Variants in NRP2 observed in about 807,000 individuals in gnomAD.
NRP2 encodes neuropilin 2, also known as neuropilin-2.
Under a neutral mutation model 110.4 loss-of-function variants are expected in NRP2, and 52 were observed. The observed-to-expected ratio is 0.47, with a 90% CI of 0.38 to 0.59. The LOEUF (loss-of-function observed/expected upper bound fraction) is 0.59, where lower values mean the gene tolerates loss of function less well. Among genes scored for constraint, NRP2 ranks in the 20% least tolerant of loss-of-function variants. The pLI is 0.00. For synonymous variants in NRP2, 508 were observed against 468.9 expected (o/e 1.08, Z -1.08); for missense variants, 1,049 against 1,203.0 (o/e 0.87, Z 1.89).
intron 15 of NRP2, among the ~76,000 whole-genome samples, chr2:205,780,055 C>T (rs146684692): frequency 3.7e-4 from 56 of 152,254 alleles, no homozygotes; most frequent in Non-Finnish European, 6.8e-4. Context: ...CAAAGGGCTC[C>T]GGGAGAGTGG....
chr2:205,705,730 A>C lies in NRP2; in HGVS notation c.251+8009A>C, dbSNP rs569649362. Among the ~76,000 whole-genome samples, 5 of 152,170 alleles carry C rather than the reference A, an allele frequency of 3.3e-5. No homozygotes were observed. The South Asian group carries it at 1.0e-3, about 32-fold the overall frequency. ...GATGTAGATACTGAGGCCCTGAGAG[A>C]TCACACAGATAGTAATCGTGGGGCT... On this transcript the variant is annotated intron_variant, in intron 2 of 16. Coordinates refer to ENST00000357785, the MANE Select transcript of NRP2 (RefSeq NM_003872.3).
At chr2:205,705,308 G>A (rs2056651806) in intron 2 of NRP2, among the ~76,000 whole-genome samples, 1 of 151,978 alleles carries the variant, frequency 6.6e-6, no homozygotes, top group Admixed American at 6.5e-5. Context: ...GTAGATGGTT[G>A]TATTTAATTT....
At position 205,763,360 on chromosome 2, in the gene NRP2, G is replaced by C. The variant is rs2057855795; in HGVS notation, c.2045-314G>C. Among the ~76,000 whole-genome samples, 1 of 152,100 alleles carries C rather than the reference G, an allele frequency of 6.6e-6. No homozygotes were observed. The highest frequency in any genetic ancestry group is 2.1e-4 in the South Asian group (1 of 4,810). Reference sequence around the variant, plus strand: ...TCTCAGAATCTAGAGGGAGAAGAAGGGCACGCACACAACCAGCCAAGACAT... The same window carrying C: ...TCTCAGAATCTAGAGGGAGAAGAAGCGCACGCACACAACCAGCCAAGACAT... On this transcript the variant is annotated intron_variant, in intron 12 of 16. Coordinates refer to ENST00000357785, the MANE Select transcript of NRP2 (RefSeq NM_003872.3). The surrounding 1 kb of genome is among the most constrained non-coding windows in gnomAD (Gnocchi z 4.0).
In NRP2 at chr2:205,749,714, C is replaced by G; in HGVS notation, c.1787-11C>G. 6.2e-7 allele frequency: 1 copy of G among 1,608,982 alleles called. No homozygotes were observed. The highest frequency in any genetic ancestry group is 8.5e-7 in the Non-Finnish European group (1 of 1,175,308). ...TACAGCATTCTCTTATCTTCCTTTG[C>G]CCTTACACAGACTCCAAGCCCACGG... is the stretch of plus-strand genomic sequence containing the variant. On this transcript the variant is annotated splice_polypyrimidine_tract_variant and intron_variant, in intron 10 of 16. Transcript: ENST00000357785.
At chr2:205,713,053 A>G (rs1442104970) in intron 2 of NRP2, among the ~76,000 whole-genome samples, 1 of 152,210 alleles carries the variant, frequency 6.6e-6, no homozygotes, top group East Asian at 1.9e-4. Flanking sequence ...CAGCATTACA[A>G]GAAGGGATTT....
At chr2:205,684,233 G>A (rs558733105) in intron 1 of NRP2, among the ~76,000 whole-genome samples, 1 of 152,066 alleles carries the variant, frequency 6.6e-6, no homozygotes, top group Non-Finnish European at 1.5e-5. Context: ...TCTGGAAAGG[G>A]GAATCCATGG....
intron 16 of NRP2, 114 bp downstream of exon 16, chr2:205,792,399 G>A (rs2058311497): frequency 1.3e-6 from 1 of 754,746 alleles, no homozygotes; most frequent in Admixed American, 2.0e-5. Flanking sequence ...CTATCAGTCA[G>A]AAATATATAA....
intron 12 of NRP2, among the ~76,000 whole-genome samples, chr2:205,755,528 A>G (rs1210093269): frequency 6.6e-6 from 1 of 151,526 alleles, no homozygotes; most frequent in African/African-American, 2.4e-5. Context: ...CCTTCTCCCT[A>G]CAGAGCTTGA....
rs1372872514 is a variant in NRP2 at position 205,682,774 on chromosome 2, G to T, written c.-517G>T. On this transcript the variant is annotated 5_prime_UTR_variant, in exon 1 of 17. Coordinates refer to ENST00000357785, the MANE Select transcript of NRP2 (RefSeq NM_003872.3). This position sits in a 1 kb window ranked among gnomAD's most constrained non-coding sequence, Gnocchi z 4.3. The stretch of plus-strand genomic sequence containing the variant: ...GGAACCCGGCGAGGACAAGAGCAGG[G>T]CGGCCGCCTTCCACTCGGGCTGTCC... The T allele has an allele frequency of 1.9e-5, 3 of 161,452 alleles. No homozygotes were observed. Among genetic ancestry groups the T allele is most frequent in the Non-Finnish European group, 4.1e-5 (3 of 73,776 alleles). The allele number at this position is 161,452 out of a possible 1,614,324, so 10.0% of individuals were successfully genotyped here.
chr2:205,746,293 T>C (rs980871955), intron 10 of NRP2, among the ~76,000 whole-genome samples: 3 of 152,210 alleles, frequency 2.0e-5, no homozygotes, highest in African/African-American at 7.2e-5. Context: ...TGTCAGTGGC[T>C]AAGAGACTTC....
chr2:205,746,005 C>G, intron 10 of NRP2, 115 bp downstream of exon 10: 1 of 1,149,392 alleles, frequency 8.7e-7, no homozygotes, highest in Non-Finnish European at 1.3e-6. Context: ...GCTGGAAATG[C>G]TGCAGACCCC....
At chr2:205,723,215 A>G (rs532858122) in intron 4 of NRP2, among the ~76,000 whole-genome samples, 1 of 152,346 alleles carries the variant, frequency 6.6e-6, no homozygotes, top group Admixed American at 6.5e-5. Flanking sequence ...GAAAAGGTAC[A>G]TCACCCAAGG....
intron 15 of NRP2, among the ~76,000 whole-genome samples, chr2:205,774,374 C>A (rs1255581211): frequency 6.6e-6 from 1 of 152,058 alleles, no homozygotes; most frequent in African/African-American, 2.4e-5. Context: ...GGGACAAAGA[C>A]AAAGAGGGCA....
At chr2:205,695,954 T>C (rs2056415346) in intron 1 of NRP2, among the ~76,000 whole-genome samples, 1 of 152,058 alleles carries the variant, frequency 6.6e-6, no homozygotes. Context: ...CTTCATGGGC[T>C]GGGGTGGGTG....
At chr2:205,777,679 T>C (rs1033833154) in intron 15 of NRP2, 1 of 152,114 alleles carries the variant, frequency 6.6e-6, no homozygotes, top group East Asian at 1.9e-4. Context: ...GTAATAGCAG[T>C]TGTAAAATAT....
At chr2:205,762,897 G>A (rs544511502) in intron 12 of NRP2, among the ~76,000 whole-genome samples, 1 of 152,292 alleles carries the variant, frequency 6.6e-6, no homozygotes, top group East Asian at 1.9e-4. Context: ...CATTTGGATT[G>A]GTAAACCCTT....
At chr2:205,745,968 G>T in intron 10 of NRP2, 78 bp downstream of exon 10, 1 of 1,543,474 alleles carries the variant, frequency 6.5e-7, no homozygotes, top group Non-Finnish European at 8.9e-7. Flanking sequence ...CCCTGGGAGG[G>T]CTGTGGAGGG....
At chr2:205,765,644 G>A (rs1284220609) in intron 14 of NRP2, 74 bp downstream of exon 14, 11 of 1,299,764 alleles carry the variant, frequency 8.5e-6, no homozygotes, top group Admixed American at 1.7e-5. Context: ...GAGGAGGCAG[G>A]ACACCATTTT....
intron 15 of NRP2, chr2:205,776,084 GAAGTGCTTGGCAGGTGCTA>G: frequency 1.3e-6 from 1 of 790,094 alleles, no homozygotes; most frequent in South Asian, 1.4e-5. Flanking sequence ...CAATCGTTGA[GAAGTGCTTGGCAGGTGCTA>G]AGGACTGAGT....
Sources: allele counts gnomAD v4.1 joint callset (sites outside exome capture counted in the v4.1 genomes callset), GRCh38; gene constraint gnomAD v4.1.1; non-coding constraint Gnocchi (gnomAD v3.1); transcripts MANE v1.5; gene names NCBI Gene and HGNC (gene_info 2026-07-23, HGNC 2026-07-21).